Variants in COL9A1 observed in about 807,000 individuals in gnomAD.
COL9A1 encodes the protein collagen alpha-1(IX) chain.
COL9A1 carries 104 observed loss-of-function variants against 142.6 expected under a neutral mutation model. The ratio of observed to expected loss-of-function variants is 0.73; its 90% confidence interval spans 0.62 to 0.86. COL9A1 has a LOEUF of 0.86. COL9A1 is among the 40% of genes least tolerant of loss of function. The pLI, the probability that COL9A1 is intolerant of heterozygous loss-of-function variation, is 0.00. For missense variants in COL9A1, 1,210 were observed against 1,176.6 expected, an observed-to-expected ratio of 1.03 and a Z score of -0.42; for synonymous variants, 466 against 396.0, an observed-to-expected ratio of 1.18 and a Z score of -2.10.
At chr6:70,252,017 C>T (rs1428239381) in intron 28 of COL9A1, 103 bp downstream of exon 28, 2 of 1,225,416 alleles carry the variant, frequency 1.6e-6, no homozygotes, top group African/African-American at 3.0e-5. Context: ...AGCATGGGCT[C>T]AAACATCAGA....
Position 70,216,719 on chromosome 6 carries a change from G to GA in COL9A1, c.*177dup. On this transcript the variant is annotated 3_prime_UTR_variant, in exon 38 of 38. Transcript: ENST00000357250. ...CAAGGGAAAGGAAAGAGAACTTACTGAATAGCACCGTTCTTCTATATGTGA... is the reference window on the plus strand; with the variant it reads ...CAAGGGAAAGGAAAGAGAACTTACTGAAATAGCACCGTTCTTCTATATGTGA... The GA allele has an allele frequency of 1.5e-6, 1 of 685,868 alleles. No homozygotes were observed. Among genetic ancestry groups the GA allele is most frequent in the Non-Finnish European group, 2.6e-6 (1 of 380,844 alleles). The allele number at this position is 685,868 out of a possible 1,614,324, so 42.5% of individuals were successfully genotyped here. A position where few individuals can be genotyped will look rare whatever the true frequency, so the allele number is the denominator to read the frequency against.
chr6:70,234,560 C>A lies in COL9A1; in HGVS notation c.2293G>T (p.Val765Phe). Residue 765 changes from valine to phenylalanine, a missense_variant, in exon 35 of 38, where the codon GTT becomes TTT. Coordinates refer to ENST00000357250, the MANE Select transcript of COL9A1 (RefSeq NM_001851.6). ...TTACCTTGTATGACTCTCATGCAAA[C>A]CTGCTTAATGTGCTGATCTGTCGGT... Reference protein sequence around the residue: ...RAPTDQHIKQVCMRVIQEHFA... With the variant: ...RAPTDQHIKQFCMRVIQEHFA... 1 of 1,614,140 alleles carries A rather than the reference C, an allele frequency of 6.2e-7. No individual in the cohort carries two copies. Among genetic ancestry groups the A allele is most frequent in the Non-Finnish European group, 8.5e-7 (1 of 1,180,020 alleles).
In COL9A1 at chr6:70,216,915, G is replaced by A; in HGVS notation, c.2748C>T (p.Asn916=). ...CTMQAGQRAF[N]KGPDP ...AAGCCTTTCAAGGGTCAGGCCCTTT[G>A]TTAAATGCTCGCTGACCAGCCTGCA... The change falls in exon 38 of 38, where the codon AAC becomes AAT. Residue 916 remains asparagine, a synonymous_variant. Transcript: ENST00000357250. 1 of 1,614,120 alleles carries A rather than the reference G, an allele frequency of 6.2e-7. No homozygotes were observed. The highest frequency in any genetic ancestry group is 8.5e-7 in the Non-Finnish European group (1 of 1,180,030).
At chr6:70,242,416 G>A (rs1409158396) in intron 29 of COL9A1, among the ~76,000 whole-genome samples, 1 of 152,084 alleles carries the variant, frequency 6.6e-6, no homozygotes, top group African/African-American at 2.4e-5. Flanking sequence ...AACAACCAGA[G>A]GCCAAATGCA....
At position 70,294,217 on chromosome 6, in the gene COL9A1, C is replaced by T. The variant is rs1286512857; in HGVS notation, c.646G>A (p.Gly216Ser). Residue 216 changes from glycine (G) to serine (S), a missense_variant, in exon 5 of 38, where the codon GGC becomes AGC. Gly to Ser is a moderately conservative substitution (Grantham distance 56, BLOSUM62 0). Coordinates refer to ENST00000357250, the MANE Select transcript of COL9A1 (RefSeq NM_001851.6). Reference sequence around the variant, plus strand: ...GCAAGTTTTCCCAGCACAGCAAAGCCATCAATGTCAATTGGGCCTCTTGGC... The same window carrying T: ...GCAAGTTTTCCCAGCACAGCAAAGCTATCAATGTCAATTGGGCCTCTTGGC... ...IKPRGPIDID[G>S]FAVLGKLADN... The T allele has an allele frequency of 6.2e-7, 1 of 1,614,074 alleles. No individual in the cohort carries two copies. Among genetic ancestry groups the T allele is most frequent in the Admixed American group, 1.7e-5 (1 of 60,008 alleles).
chr6:70,288,077 C>T (rs1424107917), intron 5 of COL9A1, among the ~76,000 whole-genome samples: 1 of 152,062 alleles, frequency 6.6e-6, no homozygotes, highest in Non-Finnish European at 1.5e-5. Context: ...GCCTATTTAC[C>T]AACTTCATCT....
chr6:70,299,529 G>A (rs1163712901), intron 4 of COL9A1, among the ~76,000 whole-genome samples: 1 of 152,142 alleles, frequency 6.6e-6, no homozygotes, highest in Non-Finnish European at 1.5e-5. Context: ...TCAGTGAAGT[G>A]GAGGATTTGA....
intron 11 of COL9A1, among the ~76,000 whole-genome samples, 185 bp downstream of exon 11, chr6:70,274,534 A>C (rs1307848323): frequency 2.0e-5 from 3 of 151,782 alleles, no homozygotes; most frequent in Non-Finnish European, 4.4e-5. Flanking sequence ...CCTGCAAAGG[A>C]CATGATCTTG....
chr6:70,269,256 T>C (rs568306961), intron 16 of COL9A1, among the ~76,000 whole-genome samples: 80 of 152,288 alleles, frequency 5.3e-4, no homozygotes, highest in African/African-American at 1.9e-3. Context: ...GGTTCGTGTC[T>C]CCAATCAAAT....
chr6:70,276,187 T>G (rs900123195), intron 10 of COL9A1, among the ~76,000 whole-genome samples: 1 of 152,168 alleles, frequency 6.6e-6, no homozygotes, highest in East Asian at 1.9e-4. Flanking sequence ...GGAACAAACC[T>G]CAACATGATT....
chr6:70,266,656 T>A (rs1772036445), intron 18 of COL9A1, 61 bp downstream of exon 18: 9 of 1,271,500 alleles, frequency 7.1e-6, no homozygotes, highest in Non-Finnish European at 8.1e-6. Flanking sequence ...TAATTTCTTA[T>A]AATGAAAGTG....
At chr6:70,277,362 T>C (rs1312401825) in intron 10 of COL9A1, among the ~76,000 whole-genome samples, 2 of 152,026 alleles carry the variant, frequency 1.3e-5, no homozygotes, top group African/African-American at 2.4e-5. Context: ...AAAATCAACT[T>C]AACCTGAAAA....
chr6:70,245,465 C>A (rs1026037421), intron 28 of COL9A1, among the ~76,000 whole-genome samples: 1 of 152,146 alleles, frequency 6.6e-6, no homozygotes, highest in African/African-American at 2.4e-5. Context: ...CACAAGTGTG[C>A]TAAATAAATG....
intron 5 of COL9A1, among the ~76,000 whole-genome samples, chr6:70,291,170 G>A (rs1583343412): frequency 6.6e-6 from 1 of 152,186 alleles, no homozygotes; most frequent in East Asian, 1.9e-4. Context: ...GGACACACAG[G>A]CTTTGTCTAT....
rs1383438660 is a variant in COL9A1 at position 70,216,796 on chromosome 6, G to A, written c.*101C>T. On this transcript the variant is annotated 3_prime_UTR_variant, in exon 38 of 38. Transcript: ENST00000357250. Reference sequence around the variant, plus strand: ...ACTGAAGGTAATACATTGTAATCATGCTGAAGGTAATCATCTTTGCCCCAG... The same window carrying A: ...ACTGAAGGTAATACATTGTAATCATACTGAAGGTAATCATCTTTGCCCCAG... The A allele has an allele frequency of 2.5e-6, 3 of 1,194,286 alleles. No individual in the cohort carries two copies. Among genetic ancestry groups the A allele is most frequent in the African/African-American group, 1.5e-5 (1 of 66,418 alleles). 74.0% of individuals were successfully genotyped at this position (1,194,286 alleles called of 1,614,324 possible).
chr6:70,294,753 T>C (rs1202696845), intron 4 of COL9A1, among the ~76,000 whole-genome samples, 190 bp from the exon 5 acceptor site: 3 of 152,204 alleles, frequency 2.0e-5, no homozygotes, highest in Non-Finnish European at 4.4e-5. Context: ...TTCCTGTACA[T>C]TCATGGTCCG....
At chr6:70,283,537 A>G (rs1031804471) in intron 6 of COL9A1, among the ~76,000 whole-genome samples, 200 bp downstream of exon 6, 3 of 152,230 alleles carry the variant, frequency 2.0e-5, no homozygotes, top group African/African-American at 7.2e-5. Context: ...GCCAGGCTGC[A>G]GGTGGTTTCT....
intron 28 of COL9A1, chr6:70,246,403 A>C (rs1257047070): frequency 2.0e-5 from 3 of 152,330 alleles, no homozygotes; most frequent in Admixed American, 2.0e-4. Flanking sequence ...AAGAAGAAGC[A>C]GCCGCCAATC....
chr6:70,248,112 A>G (rs1311725322), intron 28 of COL9A1, among the ~76,000 whole-genome samples: 1 of 152,236 alleles, frequency 6.6e-6, no homozygotes, highest in African/African-American at 2.4e-5. Context: ...AGCCCTGGCA[A>G]GTTCTCAGAA....
Sources: allele counts gnomAD v4.1 joint callset (sites outside exome capture counted in the v4.1 genomes callset), GRCh38; gene constraint gnomAD v4.1.1; transcripts MANE v1.5; gene names NCBI Gene and HGNC (gene_info 2026-07-23, HGNC 2026-07-21).